Variants in AGMO observed in about 807,000 individuals in gnomAD.
AGMO encodes the protein alkylglycerol monooxygenase.
In AGMO, 75 loss-of-function variants were observed where a neutral mutation model predicts 60.2. The observed-to-expected ratio is 1.25, with a 90% CI of 1.03 to 1.51. AGMO has a LOEUF of 1.51. Among genes scored for constraint, AGMO ranks in the 40% most tolerant of loss-of-function variants. The probability of loss-of-function intolerance (pLI) is 0.00; values close to 1 mark genes in which losing one functional copy is unlikely to be tolerated. For synonymous variants in AGMO, 261 were observed against 177.1 expected (o/e 1.47, Z -3.76); for missense variants, 763 against 525.5 (o/e 1.45, Z -4.42).
intron 3 of AGMO, among the ~76,000 whole-genome samples, chr7:15,516,651 C>T (rs977337503): frequency 3.3e-5 from 5 of 152,134 alleles, no homozygotes; most frequent in Admixed American, 3.3e-4. Context: ...ATCTGTTGAG[C>T]ACACATCTGG....
chr7:15,117,228 C>T, the AGMO span, among the ~76,000 whole-genome samples: 1 of 151,876 alleles, frequency 6.6e-6, no homozygotes, highest in African/African-American at 2.4e-5. Flanking sequence ...TAAAGGCAAA[C>T]ATACAGCCAC....
intron 12 of AGMO, among the ~76,000 whole-genome samples, chr7:15,257,645 G>A (rs2128508536): frequency 6.6e-6 from 1 of 152,272 alleles, no homozygotes; most frequent in Non-Finnish European, 1.5e-5. Flanking sequence ...AAGAATAATT[G>A]AGCTAAAAGA....
intron 12 of AGMO, among the ~76,000 whole-genome samples, chr7:15,353,260 G>GA (rs1310110719): frequency 6.6e-6 from 1 of 152,180 alleles, no homozygotes; most frequent in Non-Finnish European, 1.5e-5. Flanking sequence ...GGACAGCCAT[G>GA]AAAAATGTAG....
intron 2 of AGMO, among the ~76,000 whole-genome samples, chr7:15,548,825 G>C (rs898529003): frequency 6.6e-6 from 1 of 152,064 alleles, no homozygotes; most frequent in African/African-American, 2.4e-5. Flanking sequence ...ACGCCACAAA[G>C]ATACTCCTCG....
chr7:15,407,883 G>T (rs1264807015), intron 5 of AGMO, among the ~76,000 whole-genome samples: 2 of 151,826 alleles, frequency 1.3e-5, no homozygotes, highest in African/African-American at 4.8e-5. Flanking sequence ...ATAATTAGAT[G>T]CTTCCCATGT....
At chr7:15,512,978 C>T (rs1181538926) in intron 3 of AGMO, among the ~76,000 whole-genome samples, 2 of 152,058 alleles carry the variant, frequency 1.3e-5, no homozygotes, top group Non-Finnish European at 2.9e-5. Context: ...GAAATTATTT[C>T]TTTTGCAAAT....
At chr7:15,282,816 A>G (rs938867496) in intron 12 of AGMO, among the ~76,000 whole-genome samples, 2 of 152,190 alleles carry the variant, frequency 1.3e-5, no homozygotes, top group Non-Finnish European at 2.9e-5. Context: ...AACATGAAGG[A>G]AAGAATTCTA....
chr7:15,130,809 G>A, the AGMO span, among the ~76,000 whole-genome samples: 1 of 152,106 alleles, frequency 6.6e-6, no homozygotes, highest in Non-Finnish European at 1.5e-5. Context: ...GCATTTATGT[G>A]TGTGCTATGT....
chr7:15,330,057 ATTTTCTT>A lies in AGMO; in HGVS notation c.1263+35450_1263+35456del, dbSNP rs138327671. On this transcript the variant is annotated intron_variant, in intron 12 of 12. Coordinates refer to ENST00000342526, the MANE Select transcript of AGMO (RefSeq NM_001004320.2). ...TTTTGGATAACTAAAATATAGAATT[ATTTTCTT>A]TTTTCTTTCTATCTCTATTGAAGTT... Among the ~76,000 whole-genome samples the A allele has an allele frequency of 1.1e-4, 6 of 55,052 alleles. No homozygotes were observed. In the South Asian group the frequency reaches 1.8e-3, roughly 17 times the overall value. The allele number at this position is 55,052 out of a possible 152,430, so 36.1% of individuals were successfully genotyped here.
chr7:15,439,218 G>A (rs1781485038), intron 3 of AGMO, among the ~76,000 whole-genome samples: 1 of 152,116 alleles, frequency 6.6e-6, no homozygotes, highest in Admixed American at 6.5e-5. Flanking sequence ...CCAACATGGT[G>A]AAACCCCATC....
chr7:15,365,816 T>A (rs948837092), intron 11 of AGMO, among the ~76,000 whole-genome samples, 197 bp from the exon 12 acceptor site: 1 of 152,068 alleles, frequency 6.6e-6, no homozygotes, highest in Non-Finnish European at 1.5e-5. Flanking sequence ...CTGTTCTTCA[T>A]CAACATATTG....
rs116226199 is a variant in AGMO, at chr7:15,320,611, T to C, written c.1263+44903A>G. 5.9e-3 allele frequency among the ~76,000 whole-genome samples: 903 copies of C among 152,262 alleles called. 9 individuals carry two copies. The highest frequency in any genetic ancestry group is 0.021 in the African/African-American group (859 of 41,566). ...TAAATATAAACTTAAGAGTTTATTT[T>C]CTAAATGGTTAGAATTTCAGAGAAG... On this transcript the variant is annotated intron_variant, in intron 12 of 12. Coordinates refer to ENST00000342526, the MANE Select transcript of AGMO (RefSeq NM_001004320.2).
At chr7:15,188,390 G>A in the AGMO span, among the ~76,000 whole-genome samples, 2 of 152,108 alleles carry the variant, frequency 1.3e-5, no homozygotes, top group African/African-American at 4.8e-5. Flanking sequence ...CTGGTACATG[G>A]GAAGTACTAT....
At chr7:15,207,990 CAACT>C (rs1781485044) in intron 12 of AGMO, among the ~76,000 whole-genome samples, 1 of 152,114 alleles carries the variant, frequency 6.6e-6, no homozygotes, top group African/African-American at 2.4e-5. Context: ...AGATTTACCA[CAACT>C]AACACACAGA....
intron 3 of AGMO, among the ~76,000 whole-genome samples, chr7:15,515,505 G>A (rs967621062): frequency 5.9e-5 from 9 of 152,120 alleles, no homozygotes; most frequent in African/African-American, 1.9e-4. Context: ...TGTCATTCCC[G>A]TGGATGTACG....
intron 12 of AGMO, among the ~76,000 whole-genome samples, chr7:15,310,475 T>C (rs2128531479): frequency 6.6e-6 from 1 of 152,270 alleles, no homozygotes; most frequent in Non-Finnish European, 1.5e-5. Context: ...TATCAGTTAC[T>C]AATACTAAAA....
chr7:15,283,336 G>C (rs533812762), intron 12 of AGMO, among the ~76,000 whole-genome samples: 13 of 152,032 alleles, frequency 8.6e-5, no homozygotes, highest in African/African-American at 2.7e-4. Flanking sequence ...GTCTTCAAGA[G>C]ATTCATCTAA....
intron 3 of AGMO, among the ~76,000 whole-genome samples, chr7:15,475,867 T>A (rs570314821): frequency 6.6e-6 from 1 of 152,112 alleles, no homozygotes; most frequent in Non-Finnish European, 1.5e-5. Context: ...GCTATAAGTA[T>A]AAGCAGTTAT....
At chr7:15,191,971 T>TCACA in the AGMO span, among the ~76,000 whole-genome samples, 5 of 77,068 alleles carry the variant, frequency 6.5e-5, no homozygotes, top group South Asian at 9.8e-4. Context: ...TCTGTCTCTC[T>TCACA]CTCACACACA....
Sources: gnomAD v4.1 joint callset for allele counts (sites outside exome capture counted in the v4.1 genomes callset) on GRCh38, gnomAD v4.1.1 for gene constraint, MANE v1.5 for transcripts, NCBI Gene and HGNC (gene_info 2026-07-23, HGNC 2026-07-21) for gene names.